The following WIPF3 variants were observed in gnomAD, a reference collection of about 807,000 sequenced individuals.
WIPF3 encodes the protein WAS/WASL interacting protein family member 3.
Under a neutral mutation model 38.9 loss-of-function variants are expected in WIPF3, and 33 were observed. The ratio of observed to expected loss-of-function variants is 0.85; its 90% CI spans 0.64 to 1.14. WIPF3 has a LOEUF of 1.14. Among genes scored for constraint, WIPF3 ranks in the 50% most tolerant of loss-of-function variants. The probability of loss-of-function intolerance (pLI) is 0.00; values close to 1 mark genes in which losing one functional copy is unlikely to be tolerated. For missense variants in WIPF3, 711 were observed against 652.5 expected (o/e 1.09, Z -0.98); for synonymous variants, 324 against 269.3 (o/e 1.20, Z -1.99).
chr7:29,812,414 A>G (rs1784394328), intron 1 of WIPF3, among the ~76,000 whole-genome samples: 1 of 152,148 alleles, frequency 6.6e-6, no homozygotes, highest in Non-Finnish European at 1.5e-5. Context: ...CTGCTTCACC[A>G]CACTTAGCCT....
chr7:29,902,993 T>C (rs1178289165), intron 7 of WIPF3, among the ~76,000 whole-genome samples: 1 of 152,154 alleles, frequency 6.6e-6, no homozygotes, highest in Non-Finnish European at 1.5e-5. Flanking sequence ...AATGAGTCTT[T>C]GTAAATATTC....
intron 2 of WIPF3, among the ~76,000 whole-genome samples, chr7:29,870,882 A>T (rs1343154150): frequency 6.6e-6 from 1 of 151,546 alleles, no homozygotes; most frequent in African/African-American, 2.4e-5. Flanking sequence ...GCTTGAACCC[A>T]GGAGAGGGAG....
At chr7:29,896,054 G>C (rs916619893) in intron 7 of WIPF3, among the ~76,000 whole-genome samples, 21 of 152,164 alleles carry the variant, frequency 1.4e-4, no homozygotes, top group Non-Finnish European at 2.4e-4. Flanking sequence ...TTTCCAGAGA[G>C]AAGAGGAAGA....
At chr7:29,902,055 G>T (rs1415787533) in intron 7 of WIPF3, among the ~76,000 whole-genome samples, 1 of 151,850 alleles carries the variant, frequency 6.6e-6, no homozygotes, top group African/African-American at 2.4e-5. Context: ...AGAGACCGGG[G>T]ATGCTATTAA....
rs542502807 is a variant in WIPF3, at chr7:29,862,857, A to G, written c.91-12973A>G. Among the ~76,000 whole-genome samples the G allele has an allele frequency of 2.6e-5, 4 of 151,844 alleles. No individual in the cohort carries two copies. The South Asian group carries it at 8.3e-4, about 32-fold the overall frequency. ...TCCTTATTTTTTTTATCCTTATGGC[A>G]CTATTTTTACTTCCTTTTGTGGTTA... is the stretch of plus-strand genomic sequence containing the variant. On this transcript the variant is annotated intron_variant, in intron 2 of 8. Coordinates refer to ENST00000242140, the MANE Select transcript of WIPF3 (RefSeq NM_001080529.3).
chr7:29,880,849 G>A (rs1049502391), intron 4 of WIPF3, among the ~76,000 whole-genome samples: 3 of 152,176 alleles, frequency 2.0e-5, no homozygotes, highest in Non-Finnish European at 4.4e-5. Flanking sequence ...AAGGCAGGCC[G>A]TGGCTCCCTG....
chr7:29,826,880 T>C (rs528752479), intron 1 of WIPF3, among the ~76,000 whole-genome samples: 1 of 152,344 alleles, frequency 6.6e-6, no homozygotes, highest in Non-Finnish European at 1.5e-5. Context: ...CCTGACACTC[T>C]GGGTTTGAGT....
intron 2 of WIPF3, among the ~76,000 whole-genome samples, chr7:29,835,999 C>T (rs4719990): frequency 0.32 from 48,300 of 152,146 alleles, 8,717 homozygotes; most frequent in Middle Eastern, 0.46. Flanking sequence ...GATGTCACCC[C>T]ACGTGACATT....
intron 1 of WIPF3, among the ~76,000 whole-genome samples, chr7:29,821,603 G>T (rs1435119170): frequency 6.6e-6 from 1 of 152,120 alleles, no homozygotes; most frequent in Non-Finnish European, 1.5e-5. Flanking sequence ...ACCTTTAAAT[G>T]TATAGAATTA....
chr7:29,888,510 CGTGTGT>C (rs1295673715), intron 6 of WIPF3, among the ~76,000 whole-genome samples: 1 of 147,808 alleles, frequency 6.8e-6, no homozygotes, highest in Admixed American at 6.7e-5. Flanking sequence ...CGTGTGTGTG[CGTGTGT>C]GTGTGTGTGT....
intron 2 of WIPF3, among the ~76,000 whole-genome samples, chr7:29,845,211 G>A (rs1784980642): frequency 6.6e-6 from 1 of 152,180 alleles, no homozygotes; most frequent in African/African-American, 2.4e-5. Flanking sequence ...GCAGTGCAAA[G>A]GAACTCGGTT....
At chr7:29,850,671 T>C (rs1442519683) in intron 2 of WIPF3, among the ~76,000 whole-genome samples, 3 of 152,030 alleles carry the variant, frequency 2.0e-5, no homozygotes, top group African/African-American at 7.2e-5. Flanking sequence ...ACTCACCCCA[T>C]TGAGAACCAC....
intron 1 of WIPF3, among the ~76,000 whole-genome samples, chr7:29,814,897 T>G (rs1051300733): frequency 2.6e-5 from 4 of 152,158 alleles, no homozygotes; most frequent in Non-Finnish European, 5.9e-5. Context: ...CTGGCCCCTT[T>G]CCTATGTGGC....
chr7:29,827,633 T>C (rs888345373), intron 1 of WIPF3, among the ~76,000 whole-genome samples: 4 of 152,122 alleles, frequency 2.6e-5, no homozygotes, highest in Non-Finnish European at 4.4e-5. Context: ...TTAGCCTTCA[T>C]TGGTTCAGAA....
intron 2 of WIPF3, among the ~76,000 whole-genome samples, chr7:29,846,632 C>T (rs541360233): frequency 6.6e-6 from 1 of 152,122 alleles, no homozygotes; most frequent in Admixed American, 6.5e-5. Flanking sequence ...ACCTGGGAGG[C>T]GGAGGTTGCA....
chr7:29,817,328 G>A (rs1428489019), intron 1 of WIPF3, among the ~76,000 whole-genome samples: 1 of 152,018 alleles, frequency 6.6e-6, no homozygotes, highest in Non-Finnish European at 1.5e-5. Flanking sequence ...TTTGTAGTAT[G>A]ACTGGGCTTT....
At chr7:29,891,154 C>T (rs111453013) in intron 7 of WIPF3, among the ~76,000 whole-genome samples, 10 of 46,806 alleles carry the variant, frequency 2.1e-4, no homozygotes, top group South Asian at 1.2e-3. Flanking sequence ...CGGGCCTGCC[C>T]TGTGCTCAGG....
chr7:29,896,077 G>C (rs979269167), intron 7 of WIPF3, among the ~76,000 whole-genome samples: 2 of 152,162 alleles, frequency 1.3e-5, no homozygotes, highest in African/African-American at 4.8e-5. Context: ...GGAATGGTGA[G>C]TGAGTACTGA....
chr7:29,814,222 T>C (rs1784423605), intron 1 of WIPF3, among the ~76,000 whole-genome samples: 1 of 152,228 alleles, frequency 6.6e-6, no homozygotes, highest in Non-Finnish European at 1.5e-5. Flanking sequence ...TGATTACTCA[T>C]ATATTGGAAC....
Sources: gnomAD v4.1 joint callset for allele counts (sites outside exome capture counted in the v4.1 genomes callset) on GRCh38, gnomAD v4.1.1 for gene constraint, MANE v1.5 for transcripts, NCBI Gene and HGNC (gene_info 2026-07-23, HGNC 2026-07-21) for gene names.